The following SPIDR variants were observed in gnomAD, a reference collection of about 807,000 sequenced individuals.
SPIDR encodes DNA repair-scaffolding protein.
In SPIDR, 93 loss-of-function variants were observed where a neutral mutation model predicts 104.6. That is an observed-to-expected ratio of 0.89 (90% CI 0.75 to 1.06). The LOEUF (loss-of-function observed/expected upper bound fraction) is 1.06. Ranked by LOEUF, SPIDR falls within the 50% of genes least tolerant of loss-of-function variation. SPIDR has a pLI of 0.00. For missense variants in SPIDR, 1,154 were observed against 1,111.2 expected, an observed-to-expected ratio of 1.04 and a Z score of -0.55; for synonymous variants, 431 against 416.9, an observed-to-expected ratio of 1.03 and a Z score of -0.41.
intron 14 of SPIDR, among the ~76,000 whole-genome samples, chr8:47,708,507 G>A (rs1251196421): frequency 6.6e-6 from 1 of 151,882 alleles, no homozygotes; most frequent in Non-Finnish European, 1.5e-5. Context: ...CACAACTAAT[G>A]AACCTGCATT....
At chr8:47,305,718 T>A (rs1014731859) in intron 5 of SPIDR, among the ~76,000 whole-genome samples, 22 of 152,184 alleles carry the variant, frequency 1.4e-4, no homozygotes, top group African/African-American at 1.2e-4. Flanking sequence ...TAATAGTGAG[T>A]TAGAATAAAA....
chr8:47,551,119 C>G lies in SPIDR; in HGVS notation c.1098-44692C>G, dbSNP rs544887474. Among the ~76,000 whole-genome samples the G allele has an allele frequency of 2.0e-5, 3 of 152,290 alleles. No homozygotes were observed. The East Asian group carries it at 5.8e-4, about 29-fold the overall frequency. On this transcript the variant is annotated intron_variant, in intron 8 of 19. Transcript: ENST00000297423. ...CCAGCCTTGCATCCCAGGGATGAAGCCAACTTGCTCGTGGTGGATAAGCTT... is the reference window on the plus strand; with the variant it reads ...CCAGCCTTGCATCCCAGGGATGAAGGCAACTTGCTCGTGGTGGATAAGCTT...
intron 10 of SPIDR, among the ~76,000 whole-genome samples, chr8:47,655,120 C>T (rs558810984): frequency 2.8e-3 from 423 of 152,242 alleles, no homozygotes; most frequent in Middle Eastern, 0.02. Context: ...TTAATCCAGT[C>T]TATTATTGTT....
At chr8:47,349,613 A>C (rs1375570468) in intron 5 of SPIDR, among the ~76,000 whole-genome samples, 1 of 152,212 alleles carries the variant, frequency 6.6e-6, no homozygotes. Flanking sequence ...GTTGAGCTGC[A>C]GTGGGCTCCA....
intron 10 of SPIDR, among the ~76,000 whole-genome samples, chr8:47,630,872 G>A (rs1481578332): frequency 1.3e-5 from 2 of 152,122 alleles, no homozygotes; most frequent in African/African-American, 4.8e-5. Context: ...CATTTATTAT[G>A]CCCTGTTGAC....
intron 8 of SPIDR, among the ~76,000 whole-genome samples, chr8:47,489,300 G>A (rs1564118618): frequency 6.6e-6 from 1 of 152,226 alleles, no homozygotes; most frequent in Non-Finnish European, 1.5e-5. Flanking sequence ...TACAAGGGAT[G>A]TGAAGGACCT....
intron 8 of SPIDR, among the ~76,000 whole-genome samples, chr8:47,475,304 C>T (rs947372339): frequency 2.0e-5 from 3 of 152,190 alleles, no homozygotes; most frequent in Non-Finnish European, 2.9e-5. Flanking sequence ...CATGCCCTGC[C>T]GGGCCCAGAG....
chr8:47,637,541 G>T (rs1229003641), intron 10 of SPIDR, among the ~76,000 whole-genome samples: 2 of 152,182 alleles, frequency 1.3e-5, no homozygotes, highest in Non-Finnish European at 2.9e-5. Context: ...CTGCACTCAA[G>T]CCTGGGCGAC....
intron 7 of SPIDR, among the ~76,000 whole-genome samples, chr8:47,416,727 C>A (rs916859263): frequency 6.6e-6 from 1 of 152,014 alleles, no homozygotes; most frequent in Non-Finnish European, 1.5e-5. Flanking sequence ...CCCATTAACT[C>A]GTCATTTAAC....
At chr8:47,426,741 G>C (rs1449765060) in intron 7 of SPIDR, among the ~76,000 whole-genome samples, 1 of 152,238 alleles carries the variant, frequency 6.6e-6, no homozygotes, top group Non-Finnish European at 1.5e-5. Flanking sequence ...AAGTGTGAGA[G>C]AGGGAGAGGA....
At chr8:47,285,858 C>T (rs1290702419) in intron 3 of SPIDR, among the ~76,000 whole-genome samples, 1 of 152,130 alleles carries the variant, frequency 6.6e-6, no homozygotes, top group Non-Finnish European at 1.5e-5. Context: ...CTCATAACAC[C>T]AGGTGCTAGG....
At chr8:47,314,863 G>C (rs782577771) in intron 5 of SPIDR, among the ~76,000 whole-genome samples, 14 of 152,168 alleles carry the variant, frequency 9.2e-5, no homozygotes, top group Non-Finnish European at 1.8e-4. Flanking sequence ...ACATTGGATA[G>C]AAAACAAGAC....
At chr8:47,529,146 G>A (rs565221389) in intron 8 of SPIDR, among the ~76,000 whole-genome samples, 31 of 152,296 alleles carry the variant, frequency 2.0e-4, no homozygotes, top group African/African-American at 7.2e-4. Context: ...AGGAGGCCGG[G>A]CCCGGTGGCT....
intron 8 of SPIDR, among the ~76,000 whole-genome samples, chr8:47,451,192 A>G (rs1361249174): frequency 6.6e-6 from 1 of 152,222 alleles, no homozygotes; most frequent in Non-Finnish European, 1.5e-5. Context: ...GGAAAATGGT[A>G]TCAAAACAAA....
chr8:47,303,726 ATCC>A (rs2042643923), intron 5 of SPIDR, among the ~76,000 whole-genome samples: 5 of 152,192 alleles, frequency 3.3e-5, no homozygotes, highest in Non-Finnish European at 7.3e-5. Flanking sequence ...CATGTGAATG[ATCC>A]TTTTAATGTG....
intron 8 of SPIDR, among the ~76,000 whole-genome samples, chr8:47,568,712 T>C (rs2058183139): frequency 6.6e-6 from 1 of 151,938 alleles, no homozygotes; most frequent in South Asian, 2.1e-4. Context: ...GCAGAAAAAA[T>C]ATTTAAAGAA....
intron 8 of SPIDR, among the ~76,000 whole-genome samples, chr8:47,454,986 C>T (rs1554708898): frequency 6.6e-6 from 1 of 152,048 alleles, no homozygotes; most frequent in African/African-American, 2.4e-5. Flanking sequence ...AATGCTACAG[C>T]AAGTCCTTCA....
At chr8:47,681,128 G>A (rs2154475397) in intron 11 of SPIDR, among the ~76,000 whole-genome samples, 1 of 152,350 alleles carries the variant, frequency 6.6e-6, no homozygotes, top group African/African-American at 2.4e-5. Flanking sequence ...AGCAGCAACA[G>A]TAGACACCTT....
chr8:47,492,813 G>C (rs918324299), intron 8 of SPIDR, among the ~76,000 whole-genome samples: 1 of 152,168 alleles, frequency 6.6e-6, no homozygotes, highest in Non-Finnish European at 1.5e-5. Flanking sequence ...CCTTCATGCA[G>C]CTTCTCCAAG....
Sources: gnomAD v4.1 joint callset for allele counts (sites outside exome capture counted in the v4.1 genomes callset) on GRCh38, gnomAD v4.1.1 for gene constraint, MANE v1.5 for transcripts, NCBI Gene and HGNC (gene_info 2026-07-23, HGNC 2026-07-21) for gene names.